GABRG2: variants seen among roughly 807,000 people sequenced by gnomAD.
The protein encoded by GABRG2 is gamma-aminobutyric acid receptor subunit gamma-2.
Under a neutral mutation model 56.4 loss-of-function variants are expected in GABRG2, and 16 were observed. The ratio of observed to expected loss-of-function variants is 0.28; its 90% CI spans 0.19 to 0.43. GABRG2 has a LOEUF of 0.43. Ranked by LOEUF, GABRG2 falls within the 20% of genes least tolerant of loss-of-function variation. GABRG2 has a pLI of 1.00. For missense variants in GABRG2, 327 were observed against 582.7 expected (o/e 0.56, Z 4.52); for synonymous variants, 208 against 205.5 (o/e 1.01, Z -0.10).
intron 6 of GABRG2, among the ~76,000 whole-genome samples, chr5:162,118,869 G>A (rs985552228): frequency 6.6e-6 from 1 of 152,044 alleles, no homozygotes; most frequent in African/African-American, 2.4e-5. Flanking sequence ...AAAAGATGAA[G>A]GCTAAATGTG....
rs142435449 is a variant in GABRG2 at position 162,143,569 on chromosome 5, T to C, written c.922+1253T>C. Among the ~76,000 whole-genome samples the C allele has an allele frequency of 1.9e-4, 29 of 152,302 alleles. No individual in the cohort carries two copies. In the East Asian group the frequency reaches 5.6e-3, roughly 29 times the overall value. On this transcript the variant is annotated intron_variant, in intron 7 of 9. Coordinates refer to ENST00000639213, the MANE Select transcript of GABRG2 (RefSeq NM_198904.4). ...AAATTCAACACCCTTTCATCAGCTA[T>C]GTAAAACCTAGAACCACATCCCTTG...
intron 1 of GABRG2, among the ~76,000 whole-genome samples, chr5:162,090,827 T>A (rs1010440434): frequency 2.0e-5 from 3 of 152,106 alleles, no homozygotes; most frequent in African/African-American, 7.2e-5. Flanking sequence ...AACTGTTGAG[T>A]GAATTCTTCA....
intron 1 of GABRG2, among the ~76,000 whole-genome samples, chr5:162,075,920 A>G (rs930807292): frequency 3.3e-5 from 5 of 152,082 alleles, no homozygotes; most frequent in Middle Eastern, 3.4e-3. Flanking sequence ...TGGGAAGCTG[A>G]GGCAGGAGGA....
intron 6 of GABRG2, among the ~76,000 whole-genome samples, chr5:162,109,389 A>ATATATATATATAT (rs1554098562): frequency 8.2e-4 from 95 of 116,216 alleles, no homozygotes; most frequent in African/African-American, 3.5e-3. Context: ...CTTAAAGTAT[A>ATATATATATATAT]ATATATATAT....
At chr5:162,150,195 T>TA (rs1405344770) in intron 8 of GABRG2, 15 of 152,362 alleles carry the variant, frequency 9.8e-5, no homozygotes, top group Admixed American at 9.1e-4. Context: ...GTGTATTATT[T>TA]AAAAACACTT....
intron 1 of GABRG2, among the ~76,000 whole-genome samples, chr5:162,068,534 TG>T (rs1161879830): frequency 1.1e-5 from 1 of 91,242 alleles, no homozygotes; most frequent in Non-Finnish European, 2.3e-5. Context: ...GTGAGGGAGC[TG>T]GGGGGAGGGG....
At chr5:162,140,972 C>T (rs1464758128) in intron 6 of GABRG2, among the ~76,000 whole-genome samples, 1 of 152,064 alleles carries the variant, frequency 6.6e-6, no homozygotes, top group Non-Finnish European at 1.5e-5. Context: ...TTCCTTTATT[C>T]TTTTAGTAGT....
intron 1 of GABRG2, among the ~76,000 whole-genome samples, chr5:162,080,486 G>T (rs1466352957): frequency 6.6e-6 from 1 of 152,094 alleles, no homozygotes. Flanking sequence ...GAAGGTCCAG[G>T]TGACTGGAAG....
intron 6 of GABRG2, among the ~76,000 whole-genome samples, chr5:162,107,344 T>TA (rs1287718384): frequency 6.6e-6 from 1 of 152,204 alleles, no homozygotes; most frequent in Non-Finnish European, 1.5e-5. Context: ...TGAATACTCT[T>TA]ACACTTTAAG....
intron 1 of GABRG2, among the ~76,000 whole-genome samples, chr5:162,070,538 TA>T (rs71968854): frequency 0.075 from 11,197 of 149,316 alleles, 657 homozygotes; most frequent in Admixed American, 0.16. Flanking sequence ...TAAAGATAAA[TA>T]AAAAAAAAAT....
intron 6 of GABRG2, among the ~76,000 whole-genome samples, chr5:162,113,019 C>G (rs560011612): frequency 1.3e-5 from 2 of 151,936 alleles, no homozygotes; most frequent in South Asian, 2.1e-4. Context: ...GTGGTGAGAT[C>G]TCGACTCATG....
intron 1 of GABRG2, among the ~76,000 whole-genome samples, chr5:162,075,953 A>AGGGGCC (rs1759067551): frequency 1.3e-5 from 2 of 151,710 alleles, no homozygotes; most frequent in Non-Finnish European, 2.9e-5. Flanking sequence ...AGGCATTCCA[A>AGGGGCC]ACTGGCCTGG....
chr5:162,136,267 A>G (rs1460154251), intron 6 of GABRG2, among the ~76,000 whole-genome samples: 2 of 152,182 alleles, frequency 1.3e-5, no homozygotes, highest in African/African-American at 2.4e-5. Flanking sequence ...TTGGTTTAGC[A>G]CTGTCCAATT....
chr5:162,072,922 A>T (rs946543212), intron 1 of GABRG2, among the ~76,000 whole-genome samples: 1 of 151,972 alleles, frequency 6.6e-6, no homozygotes, highest in Non-Finnish European at 1.5e-5. Flanking sequence ...AATCATAATA[A>T]CTTGGGTTTT....
At chr5:162,135,069 A>G (rs1764023227) in intron 6 of GABRG2, among the ~76,000 whole-genome samples, 2 of 152,208 alleles carry the variant, frequency 1.3e-5, no homozygotes, top group Non-Finnish European at 2.9e-5. Context: ...CACACCTAGT[A>G]GACTTGGCAC....
At chr5:162,083,195 T>A (rs912355140) in intron 1 of GABRG2, among the ~76,000 whole-genome samples, 5 of 151,776 alleles carry the variant, frequency 3.3e-5, no homozygotes, top group African/African-American at 1.2e-4. Context: ...ATTGGAATAT[T>A]TCATTTCCTG....
At position 162,097,893 on chromosome 5, in the gene GABRG2, G is replaced by T. The variant is rs1453953383; in HGVS notation, c.548+35G>T. 6.5e-6 allele frequency: 10 copies of T among 1,546,010 alleles called. No homozygotes were observed. The South Asian group carries it at 7.8e-5, about 12-fold the overall frequency. On this transcript the variant is annotated intron_variant, in intron 4 of 9. Transcript: ENST00000639213. ...TGCAAAAGGAAAGGAGTAATTGTTA[G>T]GAAGAAAACAAACAAACACAAAAAT...
intron 6 of GABRG2, among the ~76,000 whole-genome samples, chr5:162,104,848 G>A (rs1025962017): frequency 6.6e-6 from 1 of 151,986 alleles, no homozygotes; most frequent in African/African-American, 2.4e-5. Flanking sequence ...ACCCTCTGTC[G>A]GGCAAGTTAG....
intron 7 of GABRG2, 66 bp from the exon 8 acceptor site, chr5:162,149,042 C>T (rs1382756175): frequency 2.0e-5 from 29 of 1,419,182 alleles, no homozygotes; most frequent in Admixed American, 6.7e-5. Flanking sequence ...TGTAGTCTCA[C>T]GAGTGACTCA....
Sources: allele counts gnomAD v4.1 joint callset (sites outside exome capture counted in the v4.1 genomes callset), GRCh38; gene constraint gnomAD v4.1.1; transcripts MANE v1.5; gene names NCBI Gene and HGNC (gene_info 2026-07-23, HGNC 2026-07-21).